The following TTC9 variants were observed in gnomAD, a reference collection of about 807,000 sequenced individuals.
TTC9 encodes tetratricopeptide repeat domain 9.
TTC9 carries 13 observed loss-of-function variants against 22.9 expected under a neutral mutation model. The ratio of observed to expected loss-of-function variants is 0.57; its 90% CI spans 0.37 to 0.90. The LOEUF (loss-of-function observed/expected upper bound fraction) is 0.90, where lower values mean the gene tolerates loss of function less well. TTC9 is among the 40% of genes least tolerant of loss of function. The pLI, the probability that TTC9 is intolerant of heterozygous loss-of-function variation, is 0.01. For synonymous variants in TTC9, 148 were observed against 133.2 expected (o/e 1.11, Z -0.77); for missense variants, 280 against 291.8 (o/e 0.96, Z 0.29).
intron 1 of TTC9, among the ~76,000 whole-genome samples, chr14:70,653,856 T>G (rs1454808821): frequency 6.6e-6 from 1 of 152,160 alleles, no homozygotes; most frequent in East Asian, 1.9e-4. Flanking sequence ...CCAGGGGAGC[T>G]TAACAAGAAA....
intron 1 of TTC9, among the ~76,000 whole-genome samples, chr14:70,666,780 A>G (rs917647963): frequency 6.6e-6 from 1 of 152,214 alleles, no homozygotes; most frequent in African/African-American, 2.4e-5. Context: ...TGAGGATTAT[A>G]TCAGTAATAC....
intron 1 of TTC9, among the ~76,000 whole-genome samples, chr14:70,650,848 A>G (rs1288531718): frequency 6.6e-6 from 1 of 152,240 alleles, no homozygotes; most frequent in African/African-American, 2.4e-5. Flanking sequence ...AATTTTAATA[A>G]GAGAATAAAC....
rs1479973920 is a variant in TTC9 at position 70,642,306 on chromosome 14, G to A, written c.177G>A (p.Glu59=). The change falls in exon 1 of 3, where the codon GAG becomes GAA. Residue 59 remains glutamate, a synonymous_variant. Transcript: ENST00000256367. ...EPAELIRRAH[E]FKSQGAQCYK... ...CCGAGCTCATCCGACGAGCGCACGA[G>A]TTCAAAAGCCAAGGGGCGCAGTGCT... The A allele has an allele frequency of 6.4e-7, 1 of 1,560,662 alleles. No homozygotes were observed. Among genetic ancestry groups the A allele is most frequent in the Non-Finnish European group, 8.7e-7 (1 of 1,155,206 alleles).
At chr14:70,643,277 G>T (rs1312636974) in intron 1 of TTC9, among the ~76,000 whole-genome samples, 1 of 152,190 alleles carries the variant, frequency 6.6e-6, no homozygotes, top group Non-Finnish European at 1.5e-5. Flanking sequence ...TGAAGGAAAA[G>T]GGGGCCCTAC....
intron 1 of TTC9, among the ~76,000 whole-genome samples, chr14:70,657,885 G>A (rs1422628320): frequency 2.6e-5 from 4 of 152,212 alleles, no homozygotes; most frequent in Non-Finnish European, 5.9e-5. Flanking sequence ...AGAATTGCTT[G>A]AACCCAGGAG....
chr14:70,653,277 C>T (rs1886011874), intron 1 of TTC9, among the ~76,000 whole-genome samples: 1 of 151,948 alleles, frequency 6.6e-6, no homozygotes, highest in South Asian at 2.1e-4. Context: ...AAGAATGCAG[C>T]AAAGAAGGCT....
chr14:70,660,572 A>G (rs1886131812), intron 1 of TTC9, among the ~76,000 whole-genome samples: 1 of 152,204 alleles, frequency 6.6e-6, no homozygotes, highest in South Asian at 2.1e-4. Context: ...GCGTTCCCCC[A>G]AAGTTCCTAT....
chr14:70,667,733 C>T lies in TTC9; in HGVS notation c.576C>T (p.Thr192=), dbSNP rs1886234894. 3 of 1,599,000 alleles carry T rather than the reference C, an allele frequency of 1.9e-6. No individual in the cohort carries two copies. In the East Asian group the frequency reaches 6.7e-5, roughly 36 times the overall value. ...KALYYLKEAR[T]QQPTDTNVIR... The stretch of plus-strand genomic sequence containing the variant: ...TCTACTACCTGAAAGAAGCAAGGAC[C>T]CAACAACCAACAGGTAAGGCGGAAA... The change falls in exon 2 of 3, where the codon ACC becomes ACT. Residue 192 remains threonine (T), a synonymous_variant. Coordinates refer to ENST00000256367, the MANE Select transcript of TTC9 (RefSeq NM_015351.2).
chr14:70,664,013 C>T (rs532835515), intron 1 of TTC9, among the ~76,000 whole-genome samples: 2 of 152,286 alleles, frequency 1.3e-5, no homozygotes, highest in South Asian at 2.1e-4. Flanking sequence ...TCAGTTTCAT[C>T]ATCTATAAAA....
chr14:70,642,577 C>T lies in TTC9; in HGVS notation c.406+42C>T, dbSNP rs1267526094. 5 of 1,504,542 alleles carry T rather than the reference C, an allele frequency of 3.3e-6. No homozygotes were observed. The South Asian group carries it at 3.7e-5, about 11-fold the overall frequency. 93.2% of individuals were successfully genotyped at this position (1,504,542 alleles called of 1,614,324 possible). A position where few individuals can be genotyped will look rare whatever the true frequency, so the allele number is the denominator to read the frequency against. On this transcript the variant is annotated intron_variant, in intron 1 of 2. Coordinates refer to ENST00000256367, the MANE Select transcript of TTC9 (RefSeq NM_015351.2). The stretch of plus-strand genomic sequence containing the variant: ...CCCCCGCGCCGCGGTCCCCGTTCTT[C>T]GGCCCGGTCCCTCCGCGGACCACTG...
In TTC9 at chr14:70,661,907, A is replaced by G. The variant is rs77036481; in HGVS notation, c.407-5657A>G. On this transcript the variant is annotated intron_variant, in intron 1 of 2. Coordinates refer to ENST00000256367, the MANE Select transcript of TTC9 (RefSeq NM_015351.2). Reference sequence around the variant, plus strand: ...GGGGTGGTTGGAGATTTGCAGCTTCAATTCTTGTCCCCCAGATTTGCCTTT... The same window carrying G: ...GGGGTGGTTGGAGATTTGCAGCTTCGATTCTTGTCCCCCAGATTTGCCTTT... Among the ~76,000 whole-genome samples the G allele has an allele frequency of 3.4e-3, 511 of 152,216 alleles. 3 individuals are homozygous for G. Among genetic ancestry groups the G allele is most frequent in the Non-Finnish European group, 5.2e-3 (352 of 68,000 alleles).
intron 1 of TTC9, among the ~76,000 whole-genome samples, chr14:70,653,500 C>T (rs1260769237): frequency 2.0e-5 from 3 of 152,186 alleles, no homozygotes; most frequent in Non-Finnish European, 2.9e-5. Flanking sequence ...AGTTGAAAGA[C>T]CACAGAGTTC....
At chr14:70,665,477 T>C (rs372521843) in intron 1 of TTC9, among the ~76,000 whole-genome samples, 3 of 152,174 alleles carry the variant, frequency 2.0e-5, no homozygotes, top group East Asian at 1.9e-4. Context: ...GGGGGGCTTG[T>C]AGCATCAGCT....
At chr14:70,660,513 C>T (rs927481662) in intron 1 of TTC9, among the ~76,000 whole-genome samples, 2 of 152,312 alleles carry the variant, frequency 1.3e-5, no homozygotes, top group Middle Eastern at 6.8e-3. Flanking sequence ...TGTCCCAGCA[C>T]TGTGAGAAGC....
chr14:70,671,162 A>C lies in TTC9; in HGVS notation c.*7A>C. 3.1e-6 allele frequency: 5 copies of C among 1,613,090 alleles called. No homozygotes were observed. The highest frequency in any genetic ancestry group is 3.4e-6 in the Non-Finnish European group (4 of 1,179,418). On this transcript the variant is annotated 3_prime_UTR_variant, in exon 3 of 3. Coordinates refer to ENST00000256367, the MANE Select transcript of TTC9 (RefSeq NM_015351.2). ...AGAAAAAGAAGCCATGTAACCAGGAAGCAGCTCCAGAGCTGCGCCCACGCC... is the reference window on the plus strand; with the variant it reads ...AGAAAAAGAAGCCATGTAACCAGGACGCAGCTCCAGAGCTGCGCCCACGCC...
rs1163586729 is a variant in TTC9, at chr14:70,642,204, A to G, written c.75A>G (p.Pro25=). ...SPPAAGEGQR[P]PPPLCVPGGG... ...CCGCGGCCGGAGAGGGGCAGCGGCC[A>G]CCGCCGCCGCTGTGCGTCCCGGGCG... is the stretch of plus-strand genomic sequence containing the variant. Residue 25 remains proline (P), a synonymous_variant, in exon 1 of 3, where the codon CCA becomes CCG. Transcript: ENST00000256367. The G allele has an allele frequency of 5.6e-6, 7 of 1,249,588 alleles. No homozygotes were observed. Among genetic ancestry groups the G allele is most frequent in the Non-Finnish European group, 5.0e-6 (5 of 994,292 alleles). The allele number at this position is 1,249,588 out of a possible 1,614,324, so 77.4% of individuals were successfully genotyped here.
At chr14:70,644,076 C>T (rs1364966590) in intron 1 of TTC9, among the ~76,000 whole-genome samples, 6 of 152,180 alleles carry the variant, frequency 3.9e-5, no homozygotes, top group Non-Finnish European at 5.9e-5. Flanking sequence ...GGGTGGAGGA[C>T]GAGGCACTGT....
At chr14:70,647,355 G>A (rs193261770) in intron 1 of TTC9, among the ~76,000 whole-genome samples, 12 of 152,246 alleles carry the variant, frequency 7.9e-5, no homozygotes, top group Admixed American at 7.2e-4. Context: ...TTTCAGATGA[G>A]CCAGGAAAGG....
Position 70,671,269 on chromosome 14 carries a change from C to A in TTC9, c.*114C>A. On this transcript the variant is annotated 3_prime_UTR_variant, in exon 3 of 3. Coordinates refer to ENST00000256367, the MANE Select transcript of TTC9 (RefSeq NM_015351.2). ...TTTCTCCCCACTTCTTCTGGCTCCT[C>A]ATTTTTCCTCCTGTTGCACCCCAGC... 1 of 846,772 alleles carries A rather than the reference C, an allele frequency of 1.2e-6. No homozygotes were observed. 52.5% of individuals were successfully genotyped at this position (846,772 alleles called of 1,614,324 possible). A position where few individuals can be genotyped will look rare whatever the true frequency, so the allele number is the denominator to read the frequency against.
Sources: allele counts gnomAD v4.1 joint callset (sites outside exome capture counted in the v4.1 genomes callset), GRCh38; gene constraint gnomAD v4.1.1; transcripts MANE v1.5; gene names NCBI Gene and HGNC (gene_info 2026-07-23, HGNC 2026-07-21).